Variants in PLCH2 observed in about 807,000 individuals in gnomAD.
The protein encoded by PLCH2 is phospholipase C eta 2, also known as 1-phosphatidylinositol 4,5-bisphosphate phosphodiesterase eta-2.
A neutral mutation model predicts 134.7 loss-of-function variants in PLCH2; 98 were observed. The observed-to-expected ratio is 0.73, with a 90% CI of 0.62 to 0.86. The LOEUF (loss-of-function observed/expected upper bound fraction) is 0.86. Ranked by LOEUF, PLCH2 falls within the 40% of genes least tolerant of loss-of-function variation. PLCH2 has a pLI of 0.00. For missense variants in PLCH2, 1,994 were observed against 1,986.6 expected, an observed-to-expected ratio of 1.00 and a Z score of -0.07; for synonymous variants, 974 against 827.5, an observed-to-expected ratio of 1.18 and a Z score of -3.04.
intron 2 of PLCH2, among the ~76,000 whole-genome samples, chr1:2,457,446 C>T (rs1426891792): frequency 6.6e-6 from 1 of 152,210 alleles, no homozygotes; most frequent in African/African-American, 2.4e-5. Context: ...GCCACTGCAG[C>T]TTCTCGCCAG....
rs535343920 is a variant in PLCH2, at chr1:2,438,615, G to A, written c.115+7986G>A. Among the ~76,000 whole-genome samples, 6 of 152,310 alleles carry A rather than the reference G, an allele frequency of 3.9e-5. No homozygotes were observed. The South Asian group carries it at 8.3e-4, about 21-fold the overall frequency. On this transcript the variant is annotated intron_variant, in intron 2 of 3. Coordinates refer to the PLCH2 transcript ENST00000609981. ...GGTGCTTCTCCACATCGTCTTTGCC[G>A]ATTGCCCAAGAGAGAGCACCCCCGG...
Position 2,504,326 on chromosome 1 carries a change from T to A in PLCH2, c.3364T>A (p.Ser1122Thr). 1 of 1,609,790 alleles carries A rather than the reference T, an allele frequency of 6.2e-7. No homozygotes were observed. Among genetic ancestry groups the A allele is most frequent in the South Asian group, 1.1e-5 (1 of 91,002 alleles). The part of the protein sequence containing the change: ...AAPFPAPAVY[S>T]DATGSDPLWQ... ...TCCCTTTCCAGCTCCTGCCGTGTAC[T>A]CCGATGCCACGGGCAGTGACCCGCT... Residue 1122 changes from serine (S) to threonine (T), a missense_variant, in exon 22 of 22, where the codon TCC (serine) becomes ACC (threonine). Coordinates refer to ENST00000378486, the MANE Select transcript of PLCH2 (RefSeq NM_014638.4).
intron 2 of PLCH2, among the ~76,000 whole-genome samples, chr1:2,459,651 GGTGGTCCTCCTTGCCT>G (rs766930989): frequency 0.17 from 8,049 of 46,146 alleles, 569 homozygotes; most frequent in African/African-American, 0.23. Context: ...CTTCCTTTCC[GGTGGTCCTCCTTGCCT>G]GTGGTCTTCC....
At chr1:2,478,117 G>A (rs779626213) in intron 1 of PLCH2, among the ~76,000 whole-genome samples, 1 of 152,212 alleles carries the variant, frequency 6.6e-6, no homozygotes, top group Non-Finnish European at 1.5e-5. Flanking sequence ...CAGGCCCAGC[G>A]CCGGTTACCA....
intron 2 of PLCH2, among the ~76,000 whole-genome samples, chr1:2,435,715 CT>C (rs1217274402): frequency 1.3e-5 from 2 of 152,004 alleles, no homozygotes; most frequent in Non-Finnish European, 2.9e-5. Context: ...CCTTTGATGG[CT>C]GTGGAGTACA....
intron 2 of PLCH2, among the ~76,000 whole-genome samples, chr1:2,454,358 C>G (rs2100565849): frequency 6.6e-6 from 1 of 152,310 alleles, no homozygotes; most frequent in East Asian, 1.9e-4. Flanking sequence ...TCTGCAGGAC[C>G]CTTGGAAGTG....
At chr1:2,422,537 C>A (rs1481422620), upstream of PLCH2, among the ~76,000 whole-genome samples, 2 of 152,178 alleles carry the variant, frequency 1.3e-5, no homozygotes, top group East Asian at 3.9e-4. Context: ...TGATGGTACA[C>A]CCGGACTGGA....
chr1:2,499,397 G>C (rs1329483127), intron 19 of PLCH2, among the ~76,000 whole-genome samples, 167 bp downstream of exon 19: 1 of 152,188 alleles, frequency 6.6e-6, no homozygotes, highest in Non-Finnish European at 1.5e-5. Context: ...CTGCGGGTCA[G>C]GCAGGGGCAT....
rs530689548 is a variant in PLCH2 at position 2,435,396 on chromosome 1, G to A, written c.115+4767G>A. Among the ~76,000 whole-genome samples the A allele has an allele frequency of 3.3e-5, 5 of 152,296 alleles. No homozygotes were observed. In the East Asian group the frequency reaches 7.7e-4, roughly 24 times the overall value. On this transcript the variant is annotated intron_variant, in intron 2 of 3. Coordinates refer to the PLCH2 transcript ENST00000609981. ...GTCCCCGGGCTCTGGGCTGACCAGC[G>A]CTCTCACACCACCCTGGGTAGTCAG...
chr1:2,485,658 A>G (rs1243178864), intron 5 of PLCH2, among the ~76,000 whole-genome samples: 1 of 144,422 alleles, frequency 6.9e-6, no homozygotes, highest in African/African-American at 2.6e-5. Flanking sequence ...CTGCTTAGGG[A>G]CCTCCACTCT....
chr1:2,455,059 T>C (rs1640424174), intron 2 of PLCH2, among the ~76,000 whole-genome samples: 2 of 152,084 alleles, frequency 1.3e-5, no homozygotes, highest in South Asian at 4.1e-4. Flanking sequence ...GCTCTGCTCC[T>C]CCCTGAAGCC....
At chr1:2,453,673 C>A (rs2100563961) in intron 2 of PLCH2, among the ~76,000 whole-genome samples, 1 of 152,334 alleles carries the variant, frequency 6.6e-6, no homozygotes, top group South Asian at 2.1e-4. Context: ...GCCCCATCCT[C>A]CCAGCAGAGG....
At chr1:2,483,701 A>G (rs536848001) in intron 4 of PLCH2, among the ~76,000 whole-genome samples, 6 of 151,912 alleles carry the variant, frequency 3.9e-5, no homozygotes, top group East Asian at 1.9e-4. Context: ...TGGCCCCTGT[A>G]GCACCTTGGG....
intron 2 of PLCH2, among the ~76,000 whole-genome samples, chr1:2,433,362 C>T (rs1322112146): frequency 6.6e-6 from 1 of 152,198 alleles, no homozygotes; most frequent in Non-Finnish European, 1.5e-5. Context: ...AGGCTGGCAG[C>T]ATGGCCCTAC....
At chr1:2,450,845 G>A (rs183934614) in intron 2 of PLCH2, among the ~76,000 whole-genome samples, 7 of 149,808 alleles carry the variant, frequency 4.7e-5, no homozygotes, top group Non-Finnish European at 8.9e-5. Context: ...CCACCTGTCC[G>A]CCCACCAGTT....
chr1:2,479,655 T>G (rs1368642298), intron 2 of PLCH2, 79 bp from the exon 3 acceptor site: 9 of 1,435,868 alleles, frequency 6.3e-6, no homozygotes, highest in Non-Finnish European at 8.4e-6. Context: ...GGCTGCTTGG[T>G]CTCCGCAGTG....
At chr1:2,434,215 G>T (rs1189113614) in intron 2 of PLCH2, among the ~76,000 whole-genome samples, 1 of 152,248 alleles carries the variant, frequency 6.6e-6, no homozygotes, top group African/African-American at 2.4e-5. Flanking sequence ...GCCGGCGGGG[G>T]CCGCGCCTGG....
At position 2,495,355 on chromosome 1, in the gene PLCH2, G is replaced by C. The variant is rs577411882; in HGVS notation, c.1753-133G>C. On this transcript the variant is annotated intron_variant, in intron 12 of 21. Coordinates refer to ENST00000378486, the MANE Select transcript of PLCH2 (RefSeq NM_014638.4). ...GAGGAGGCTTTGGCAGGCCCAGCCA[G>C]GCGGGATGGACATGGGAGGCTGCGT... is the stretch of plus-strand genomic sequence containing the variant. 11 of 703,990 alleles carry C rather than the reference G, an allele frequency of 1.6e-5. No individual in the cohort carries two copies. The African/African-American group carries it at 1.8e-4, about 12-fold the overall frequency. 43.6% of individuals were successfully genotyped at this position (703,990 alleles called of 1,614,324 possible). A position where few individuals can be genotyped will look rare whatever the true frequency, so the allele number is the denominator to read the frequency against.
chr1:2,461,708 CTTT>C (rs918772276), intron 2 of PLCH2, among the ~76,000 whole-genome samples: 2 of 152,200 alleles, frequency 1.3e-5, no homozygotes, highest in Admixed American at 6.5e-5. Context: ...GCTCTGTCTT[CTTT>C]GTTTCTTCTG....
Sources: gnomAD v4.1 joint callset for allele counts (sites outside exome capture counted in the v4.1 genomes callset) on GRCh38, gnomAD v4.1.1 for gene constraint, MANE v1.5 for transcripts, NCBI Gene and HGNC (gene_info 2026-07-23, HGNC 2026-07-21) for gene names.